SLC30A8: variants seen among roughly 807,000 people sequenced by gnomAD.
The protein encoded by SLC30A8 is solute carrier family 30 member 8.
In SLC30A8, 27 loss-of-function variants were observed where a neutral mutation model predicts 36.9. That is an observed-to-expected ratio of 0.73 (90% CI 0.54 to 1.01). The LOEUF (loss-of-function observed/expected upper bound fraction) is 1.01. SLC30A8 is among the 50% of genes least tolerant of loss of function. SLC30A8 has a pLI of 0.00. For synonymous variants in SLC30A8, 164 were observed against 172.4 expected, an observed-to-expected ratio of 0.95 and a Z score of 0.38; for missense variants, 439 against 452.0, an observed-to-expected ratio of 0.97 and a Z score of 0.26.
chr8:117,082,470 G>T (rs1818703766), intron 2 of SLC30A8, among the ~76,000 whole-genome samples: 1 of 152,144 alleles, frequency 6.6e-6, no homozygotes, highest in African/African-American at 2.4e-5. Context: ...GAGTTCCAGT[G>T]CTTCAGGGTT....
intron 1 of SLC30A8, among the ~76,000 whole-genome samples, chr8:116,987,285 T>TGG (rs1345306454): frequency 2.0e-5 from 2 of 99,086 alleles, no homozygotes; most frequent in African/African-American, 8.0e-5. Flanking sequence ...CGGAGCCTGT[T>TGG]GTGGGGTGGG....
intron 2 of SLC30A8, among the ~76,000 whole-genome samples, chr8:117,123,608 C>T (rs1220943875): frequency 6.6e-6 from 1 of 151,976 alleles, no homozygotes; most frequent in East Asian, 1.9e-4. Context: ...ATAGCAATTA[C>T]ATATTTTACT....
At chr8:116,976,014 G>A (rs1485687290) in intron 1 of SLC30A8, among the ~76,000 whole-genome samples, 1 of 152,174 alleles carries the variant, frequency 6.6e-6, no homozygotes, top group Admixed American at 6.6e-5. Context: ...AAGCCAATAA[G>A]GAAGGGGAGA....
intron 2 of SLC30A8, among the ~76,000 whole-genome samples, chr8:117,052,211 A>T (rs1417764912): frequency 1.3e-5 from 2 of 152,084 alleles, no homozygotes; most frequent in African/African-American, 4.8e-5. Flanking sequence ...GGGTTTCATC[A>T]TGTTGGTCAG....
intron 1 of SLC30A8, among the ~76,000 whole-genome samples, chr8:117,031,718 C>T (rs1817057505): frequency 6.6e-6 from 1 of 152,146 alleles, no homozygotes; most frequent in South Asian, 2.1e-4. Flanking sequence ...CCCACCTCGG[C>T]CTCCCAAAAT....
At chr8:117,056,713 A>G (rs551893620) in intron 2 of SLC30A8, among the ~76,000 whole-genome samples, 103 of 152,270 alleles carry the variant, frequency 6.8e-4, no homozygotes, top group African/African-American at 2.4e-3. Flanking sequence ...ACAGAGAAGC[A>G]ACAGACCACT....
At chr8:117,123,541 G>C (rs547712831) in intron 2 of SLC30A8, among the ~76,000 whole-genome samples, 1 of 152,032 alleles carries the variant, frequency 6.6e-6, no homozygotes, top group South Asian at 2.1e-4. Context: ...TTTGTGTGAA[G>C]AGTAATACAA....
At chr8:117,165,849 G>A (rs1164723876) in intron 6 of SLC30A8, among the ~76,000 whole-genome samples, 1 of 152,180 alleles carries the variant, frequency 6.6e-6, no homozygotes, top group African/African-American at 2.4e-5. Context: ...GGAACTGGAG[G>A]ACATTATGCT....
intron 1 of SLC30A8, among the ~76,000 whole-genome samples, chr8:116,997,793 CAA>C (rs1441394129): frequency 6.6e-6 from 1 of 152,066 alleles, no homozygotes; most frequent in African/African-American, 2.4e-5. Flanking sequence ...TTCATTCATT[CAA>C]TCAGTGAGCA....
At chr8:116,968,224 C>A (rs188001190) in intron 1 of SLC30A8, among the ~76,000 whole-genome samples, 1 of 151,536 alleles carries the variant, frequency 6.6e-6, no homozygotes, top group South Asian at 2.1e-4. Context: ...ACAAATAATC[C>A]CCAGATTTTA....
At chr8:117,167,490 T>C (rs2129728499) in intron 6 of SLC30A8, among the ~76,000 whole-genome samples, 1 of 147,852 alleles carries the variant, frequency 6.8e-6, no homozygotes, top group East Asian at 2.0e-4. Flanking sequence ...CATATATATA[T>C]ATACATACAT....
chr8:117,096,663 A>G (rs1206766979), intron 2 of SLC30A8, among the ~76,000 whole-genome samples: 1 of 152,170 alleles, frequency 6.6e-6, no homozygotes, highest in Non-Finnish European at 1.5e-5. Flanking sequence ...GTAAATAGAT[A>G]ATAAACACCA....
intron 1 of SLC30A8, among the ~76,000 whole-genome samples, chr8:117,031,427 ATTCTTC>A (rs914165929): frequency 7.9e-5 from 12 of 151,548 alleles, no homozygotes; most frequent in Non-Finnish European, 1.2e-4. Flanking sequence ...AAAGTCTTGA[ATTCTTC>A]TTCTTCTTCT....
chr8:117,161,395 A>ACAGT (rs1344272980), intron 4 of SLC30A8, among the ~76,000 whole-genome samples: 1 of 119,684 alleles, frequency 8.4e-6, no homozygotes, highest in Non-Finnish European at 1.6e-5. Context: ...TTGGTGCCTG[A>ACAGT]CAGTCAGTCA....
intron 3 of SLC30A8, among the ~76,000 whole-genome samples, chr8:117,153,962 T>G (rs1822334935): frequency 6.6e-6 from 1 of 152,056 alleles, no homozygotes; most frequent in African/African-American, 2.4e-5. Context: ...AACTCATAAT[T>G]ATAGGGATTT....
rs117310196 is a variant in SLC30A8 at position 117,108,213 on chromosome 8, T to C, written c.-225-27067T>C. Among the ~76,000 whole-genome samples the C allele has an allele frequency of 3.8e-3, 579 of 152,314 alleles. 3 individuals are homozygous for C. The highest frequency in any genetic ancestry group is 6.2e-3 in the Non-Finnish European group (419 of 68,022). ...TAACAATATTTTATGTTTAATACTT[T>C]CATTCAGTTAAATGGGAGTTTTGCC... is the stretch of plus-strand genomic sequence containing the variant. On this transcript the variant is annotated intron_variant, in intron 2 of 10. Transcript: ENST00000427715.
At chr8:117,143,236 T>C (rs1473482255) in intron 1 of SLC30A8, among the ~76,000 whole-genome samples, 1 of 152,162 alleles carries the variant, frequency 6.6e-6, no homozygotes, top group Non-Finnish European at 1.5e-5. Context: ...TTTTTGGAGA[T>C]GAAATCAAAG....
intron 6 of SLC30A8, among the ~76,000 whole-genome samples, chr8:117,169,630 A>C (rs1399064663): frequency 1.3e-5 from 2 of 152,136 alleles, no homozygotes; most frequent in Non-Finnish European, 2.9e-5. Context: ...TAATTGGCTC[A>C]TGGTTCTGCA....
chr8:117,102,247 G>C (rs1215638432), intron 2 of SLC30A8, among the ~76,000 whole-genome samples: 1 of 152,140 alleles, frequency 6.6e-6, no homozygotes, highest in African/African-American at 2.4e-5. Flanking sequence ...TTAGTGGTAT[G>C]AAGTGGTTCT....
Sources: gnomAD v4.1 joint callset for allele counts (sites outside exome capture counted in the v4.1 genomes callset) on GRCh38, gnomAD v4.1.1 for gene constraint, MANE v1.5 for transcripts, NCBI Gene and HGNC (gene_info 2026-07-23, HGNC 2026-07-21) for gene names.